BAZ1A: variants seen among roughly 807,000 people sequenced by gnomAD.
BAZ1A encodes the protein bromodomain adjacent to zinc finger domain protein 1A.
BAZ1A carries 50 observed loss-of-function variants against 185.2 expected under a neutral mutation model. That is an observed-to-expected ratio of 0.27 (90% CI 0.22 to 0.34). The LOEUF is 0.34. Ranked by LOEUF, BAZ1A falls within the 10% of genes least tolerant of loss-of-function variation. BAZ1A has a pLI of 1.00. For missense variants in BAZ1A, 1,356 were observed against 1,839.9 expected (o/e 0.74, Z 4.81); for synonymous variants, 571 against 615.6 (o/e 0.93, Z 1.07).
chr14:34,844,398 T>G (rs974433605), intron 3 of BAZ1A, among the ~76,000 whole-genome samples: 8 of 152,196 alleles, frequency 5.3e-5, no homozygotes, highest in African/African-American at 1.7e-4. Context: ...AAACATATTC[T>G]GTGTTCATGA....
Position 34,753,396 on chromosome 14 carries a change from G to T in BAZ1A, c.*112C>A, listed in dbSNP as rs1886100326. On this transcript the variant is annotated 3_prime_UTR_variant, in exon 27 of 27. Transcript: ENST00000360310. ...TATTAAAATTGAGAATATAGTGCAG[G>T]CCACACTTTCATGTGGTCAATCAAT... is the stretch of plus-strand genomic sequence containing the variant. The T allele has an allele frequency of 2.0e-6, 2 of 1,019,202 alleles. No individual in the cohort carries two copies. Among genetic ancestry groups the T allele is most frequent in the Non-Finnish European group, 2.9e-6 (2 of 680,014 alleles). The allele number at this position is 1,019,202 out of a possible 1,614,324, so 63.1% of individuals were successfully genotyped here.
intron 3 of BAZ1A, among the ~76,000 whole-genome samples, chr14:34,832,215 C>CACACATATATATATATATATAT: frequency 8.3e-4 from 74 of 89,686 alleles, no homozygotes; most frequent in African/African-American, 2.2e-3. Context: ...CACACACACA[C>CACACATATATATATATATATAT]ATATATATAT....
In BAZ1A at chr14:34,866,502, A is replaced by AAAAAAGAAAG; in HGVS notation, c.114-4181_114-4180insCTTTCTTTTT. Among the ~76,000 whole-genome samples, 23 of 79,564 alleles carry AAAAAAGAAAG rather than the reference A, an allele frequency of 2.9e-4. 4 individuals are homozygous for AAAAAAGAAAG. The highest frequency in any genetic ancestry group is 1.1e-3 in the East Asian group (4 of 3,696). The allele number at this position is 79,564 out of a possible 152,430, so 52.2% of individuals were successfully genotyped here. Reference sequence around the variant, plus strand: ...AACAATATCTCAAAAAAAAAAAAAAAGAAAAAAGTTCTAACTTTTTCCTAT... The same window carrying AAAAAAGAAAG: ...AACAATATCTCAAAAAAAAAAAAAAAAAAAAGAAAGGAAAAAAGTTCTAACTTTTTCCTAT... On this transcript the variant is annotated intron_variant, in intron 2 of 26. Coordinates refer to ENST00000360310, the MANE Select transcript of BAZ1A (RefSeq NM_013448.3).
intron 26 of BAZ1A, among the ~76,000 whole-genome samples, chr14:34,754,542 A>G (rs755827641): frequency 1.1e-4 from 16 of 152,210 alleles, no homozygotes; most frequent in Non-Finnish European, 1.8e-4. Context: ...AAACTATCCA[A>G]TTATGTGATC....
chr14:34,793,489 AAAG>A (rs1389183878), intron 11 of BAZ1A, among the ~76,000 whole-genome samples: 1 of 152,250 alleles, frequency 6.6e-6, no homozygotes, highest in African/African-American at 2.4e-5. Flanking sequence ...AAGCCCTCCT[AAAG>A]AATATACTTT....
chr14:34,762,158 G>T lies in BAZ1A; in HGVS notation c.3842C>A (p.Ser1281Tyr). ...PVKTRGKLSS[S>Y]FSSRGQQQEP... ...TTGTTGTTGGCCACGACTTGAGAAA[G>T]AAGAGCTAAGTTTCCCTCTTGTTTT... is the stretch of plus-strand genomic sequence containing the variant. The change falls in exon 24 of 27, where the codon TCT (serine) becomes TAT (tyrosine). Residue 1281 changes from serine (S) to tyrosine (Y), a missense_variant. Transcript: ENST00000360310. The T allele has an allele frequency of 1.2e-6, 2 of 1,614,204 alleles. No homozygotes were observed. The highest frequency in any genetic ancestry group is 4.5e-5 in the East Asian group (2 of 44,888).
Position 34,764,692 on chromosome 14 carries a change from C to CA in BAZ1A, c.3776+14dup, listed in dbSNP as rs1878703905. The CA allele has an allele frequency of 6.3e-7, 1 of 1,583,176 alleles. No individual in the cohort carries two copies. The highest frequency in any genetic ancestry group is 8.6e-7 in the Non-Finnish European group (1 of 1,163,420). ...TAAGACTTACTGACTCATTTTATTGCATGTTAGGACTTACCTGACTTCTTC... is the reference window on the plus strand; with the variant it reads ...TAAGACTTACTGACTCATTTTATTGCAATGTTAGGACTTACCTGACTTCTTC... On this transcript the variant is annotated intron_variant, in intron 23 of 26. Transcript: ENST00000360310.
chr14:34,803,355 G>T (rs1881674362), intron 6 of BAZ1A, among the ~76,000 whole-genome samples: 1 of 143,124 alleles, frequency 7.0e-6, no homozygotes, highest in African/African-American at 2.6e-5. Context: ...CTCCAGCCTG[G>T]TGACAGAGTA....
intron 3 of BAZ1A, among the ~76,000 whole-genome samples, chr14:34,856,473 G>C (rs1010113242): frequency 6.6e-6 from 1 of 151,924 alleles, no homozygotes; most frequent in Non-Finnish European, 1.5e-5. Context: ...TTTTTGTAGA[G>C]ACAGGGTCTC....
chr14:34,775,524 C>T (rs936365303), intron 18 of BAZ1A, among the ~76,000 whole-genome samples: 4 of 152,168 alleles, frequency 2.6e-5, no homozygotes, highest in African/African-American at 9.7e-5. Flanking sequence ...AAAGAAGTGA[C>T]CATTAGTGGA....
At chr14:34,806,997 T>C (rs1330881100) in intron 6 of BAZ1A, among the ~76,000 whole-genome samples, 1 of 150,776 alleles carries the variant, frequency 6.6e-6, no homozygotes, top group African/African-American at 2.4e-5. Flanking sequence ...TCAAGCAGTA[T>C]GTACACTTTG....
At chr14:34,833,514 C>A (rs181358709) in intron 3 of BAZ1A, among the ~76,000 whole-genome samples, 1 of 151,950 alleles carries the variant, frequency 6.6e-6, no homozygotes, top group Non-Finnish European at 1.5e-5. Flanking sequence ...TGCGACAGAG[C>A]GAGACTCCAT....
rs974308007 is a variant in BAZ1A, at chr14:34,776,529, AAAAT to A, written c.2237-18_2237-15del. On this transcript the variant is annotated splice_polypyrimidine_tract_variant and intron_variant, in intron 17 of 26. Transcript: ENST00000360310. ...GTCCTCTTTTCCCTGTAATTAAAAT[AAAAT>A]GTTTCATCATCATCATATTTCAAGT... The A allele has an allele frequency of 6.5e-7, 1 of 1,537,570 alleles. No individual in the cohort carries two copies. Among genetic ancestry groups the A allele is most frequent in the Admixed American group, 2.1e-5 (1 of 46,602 alleles).
At chr14:34,870,008 T>G (rs2138842043) in intron 2 of BAZ1A, among the ~76,000 whole-genome samples, 1 of 152,304 alleles carries the variant, frequency 6.6e-6, no homozygotes, top group Non-Finnish European at 1.5e-5. Flanking sequence ...AGCCTCCAGC[T>G]GACTGCAGCT....
intron 4 of BAZ1A, among the ~76,000 whole-genome samples, chr14:34,818,526 G>A (rs2042038676): frequency 6.6e-6 from 1 of 152,088 alleles, no homozygotes. Context: ...AAAGTCAACA[G>A]TTTAGTGTTC....
In BAZ1A at chr14:34,786,108, AAC is replaced by A. The variant is rs780231323; in HGVS notation, c.1606+16_1606+17del. 13 of 1,579,136 alleles carry A rather than the reference AAC, an allele frequency of 8.2e-6. No individual in the cohort carries two copies. The highest frequency in any genetic ancestry group is 1.1e-5 in the Non-Finnish European group (13 of 1,170,350). On this transcript the variant is annotated intron_variant, in intron 13 of 26. Transcript: ENST00000360310. The stretch of plus-strand genomic sequence containing the variant: ...AAAATAAAAAGCCAAACAAAAAAAA[AAC>A]AAAACCCACACATACCCTGGTGTAA...
intron 3 of BAZ1A, among the ~76,000 whole-genome samples, chr14:34,860,537 C>CAAAAAAAAAAAAAA (rs377519796): frequency 1.1e-5 from 1 of 88,422 alleles, no homozygotes; most frequent in Non-Finnish European, 2.4e-5. Flanking sequence ...AAAAAAAAAG[C>CAAAAAAAAAAAAAA]AAAAAAAAAA....
intron 3 of BAZ1A, among the ~76,000 whole-genome samples, chr14:34,847,549 A>T (rs1382101360): frequency 6.6e-6 from 1 of 152,072 alleles, no homozygotes; most frequent in Non-Finnish European, 1.5e-5. Context: ...TCATATTTCT[A>T]CTCAACCCTT....
rs560209924 is a variant in BAZ1A, at chr14:34,762,147, G to A, written c.3853C>T (p.Arg1285Cys). The change falls in exon 24 of 27, where the codon CGT becomes TGT. Residue 1285 changes from arginine (R) to cysteine (C), a missense_variant. Coordinates refer to ENST00000360310, the MANE Select transcript of BAZ1A (RefSeq NM_013448.3). ...RGKLSSSFSS[R>C]GQQQEPGRYP... is the part of the protein sequence containing the mutation. ...CTTCCAGGTTCTTGTTGTTGGCCAC[G>A]ACTTGAGAAAGAAGAGCTAAGTTTC... 37 of 1,614,198 alleles carry A rather than the reference G, an allele frequency of 2.3e-5. No individual in the cohort carries two copies. Among genetic ancestry groups the A allele is most frequent in the East Asian group, 4.5e-5 (2 of 44,894 alleles).
Sources: allele counts gnomAD v4.1 joint callset (sites outside exome capture counted in the v4.1 genomes callset), GRCh38; gene constraint gnomAD v4.1.1; transcripts MANE v1.5; gene names NCBI Gene and HGNC (gene_info 2026-07-23, HGNC 2026-07-21).